Variants in AXDND1 observed in about 807,000 individuals in gnomAD.
The protein encoded by AXDND1 is axonemal dynein light chain domain containing 1.
A neutral mutation model predicts 137.5 loss-of-function variants in AXDND1; 110 were observed. The ratio of observed to expected loss-of-function variants is 0.80; its 90% CI spans 0.69 to 0.94. AXDND1 has a LOEUF of 0.94. AXDND1 is among the 40% of genes least tolerant of loss of function. The probability of loss-of-function intolerance (pLI) is 0.00; values close to 1 mark genes in which losing one functional copy is unlikely to be tolerated. For missense variants in AXDND1, 1,191 were observed against 1,169.8 expected, an observed-to-expected ratio of 1.02 and a Z score of -0.26; for synonymous variants, 414 against 399.7, an observed-to-expected ratio of 1.04 and a Z score of -0.43.
intron 6 of AXDND1, among the ~76,000 whole-genome samples, chr1:179,382,267 GA>G (rs1243302844): frequency 1.3e-5 from 2 of 151,718 alleles, no homozygotes; most frequent in Admixed American, 1.3e-4. Flanking sequence ...TTTTAGTAGA[GA>G]CGGGGCTTCA....
At chr1:179,368,278 C>T (rs1257950470) in intron 2 of AXDND1, among the ~76,000 whole-genome samples, 4 of 152,190 alleles carry the variant, frequency 2.6e-5, no homozygotes, top group African/African-American at 7.2e-5. Context: ...GATTGTTCCA[C>T]TCTCATTTGC....
At chr1:179,390,484 A>G (rs958791833) in intron 9 of AXDND1, among the ~76,000 whole-genome samples, 26 of 152,190 alleles carry the variant, frequency 1.7e-4, no homozygotes, top group African/African-American at 5.3e-4. Flanking sequence ...CATGTTGTCA[A>G]TTTGAAAAAA....
intron 25 of AXDND1, chr1:179,543,157 A>G (rs1344750646): frequency 6.6e-6 from 1 of 152,260 alleles, no homozygotes; most frequent in Non-Finnish European, 1.5e-5. Flanking sequence ...TGGTAACGGC[A>G]GGAGCCTTGT....
At position 179,523,182 on chromosome 1, in the gene AXDND1, G is replaced by A. The variant is rs142607917; in HGVS notation, c.2497-2152G>A. ...CCCTAGCATTTTATTTTTTTCAGAG[G>A]TTTGAAAATCTATTATTGTTTTCCT... On this transcript the variant is annotated intron_variant, in intron 21 of 25. Coordinates refer to ENST00000367618, the MANE Select transcript of AXDND1 (RefSeq NM_144696.6). Among the ~76,000 whole-genome samples, 7 of 149,506 alleles carry A rather than the reference G, an allele frequency of 4.7e-5. No homozygotes were observed. The East Asian group carries it at 9.8e-4, about 21-fold the overall frequency.
In AXDND1 at chr1:179,422,294, G is replaced by A. The variant is rs576024830; in HGVS notation, c.1231-7224G>A. Among the ~76,000 whole-genome samples the A allele has an allele frequency of 2.2e-4, 32 of 146,388 alleles. No individual in the cohort carries two copies. In the South Asian group the frequency reaches 6.9e-3, roughly 31 times the overall value. On this transcript the variant is annotated intron_variant, in intron 12 of 25. Transcript: ENST00000367618. ...AATTATAAACTTATCTGTTCATACT[G>A]CTTTTACTGTATCCCATAGATTTTT...
At chr1:179,476,128 T>C (rs988494010) in intron 17 of AXDND1, among the ~76,000 whole-genome samples, 1 of 152,196 alleles carries the variant, frequency 6.6e-6, no homozygotes, top group African/African-American at 2.4e-5. Flanking sequence ...TAAACCTCTT[T>C]TGTTTAAAAA....
intron 11 of AXDND1, among the ~76,000 whole-genome samples, chr1:179,401,258 C>CAAAAAAAAAAA (rs201354000): frequency 4.8e-5 from 4 of 83,678 alleles, no homozygotes; most frequent in East Asian, 6.6e-4. Flanking sequence ...AACTCCATCT[C>CAAAAAAAAAAA]AAAAAAAAAA....
intron 20 of AXDND1, among the ~76,000 whole-genome samples, chr1:179,496,335 A>G (rs1344860485): frequency 6.6e-6 from 1 of 152,058 alleles, no homozygotes; most frequent in African/African-American, 2.4e-5. Context: ...GCATCTGGGC[A>G]TTGTGGGAAA....
At chr1:179,389,086 G>T (rs7547851) in intron 9 of AXDND1, among the ~76,000 whole-genome samples, 1 of 137,770 alleles carries the variant, frequency 7.3e-6, no homozygotes, top group Non-Finnish European at 1.5e-5. Flanking sequence ...TGATTCTCCC[G>T]CCTCAGCCTC....
chr1:179,416,866 C>T (rs139995514), intron 12 of AXDND1, among the ~76,000 whole-genome samples: 3 of 152,304 alleles, frequency 2.0e-5, no homozygotes, highest in East Asian at 1.9e-4. Flanking sequence ...CCCAATAAAA[C>T]ACCCTTTACC....
intron 25 of AXDND1, chr1:179,544,372 A>T (rs1435169036): frequency 1.3e-5 from 2 of 152,218 alleles, no homozygotes; most frequent in African/African-American, 4.8e-5. Flanking sequence ...TTAGTTTTTC[A>T]ATTTAAAAGA....
At chr1:179,447,807 A>G in intron 16 of AXDND1, 2 of 1,302,484 alleles carry the variant, frequency 1.5e-6, no homozygotes, top group South Asian at 2.4e-5. Context: ...TTCCAGTTCC[A>G]TTTGGCACTG....
rs774598899 is a variant in AXDND1, at chr1:179,528,360, A to G, written c.2644A>G (p.Ile882Val). Residue 882 changes from isoleucine to valine, a missense_variant, in exon 23 of 26, where the codon ATT becomes GTT. Coordinates refer to ENST00000367618, the MANE Select transcript of AXDND1 (RefSeq NM_144696.6). Reference protein sequence around the residue: ...PSTSTEKEKLIRFIGEDENVH... With the variant: ...PSTSTEKEKLVRFIGEDENVH... ...AACATCTACAGAGAAGGAAAAACTCATTCGATTCATTGGAGAAGATGAAAA... is the reference window on the plus strand; with the variant it reads ...AACATCTACAGAGAAGGAAAAACTCGTTCGATTCATTGGAGAAGATGAAAA... The G allele has an allele frequency of 1.5e-5, 25 of 1,613,874 alleles. No homozygotes were observed. Among genetic ancestry groups the G allele is most frequent in the Non-Finnish European group, 1.9e-5 (22 of 1,179,876 alleles).
Position 179,375,940 on chromosome 1 carries a change from A to G in AXDND1, c.375-2697A>G, listed in dbSNP as rs12063201. 1.2e-3 allele frequency among the ~76,000 whole-genome samples: 184 copies of G among 152,292 alleles called. 2 individuals are homozygous for G. The highest frequency in any genetic ancestry group is 4.1e-3 in the African/African-American group (172 of 41,564). On this transcript the variant is annotated intron_variant, in intron 4 of 25. Coordinates refer to ENST00000367618, the MANE Select transcript of AXDND1 (RefSeq NM_144696.6). ...TAAAAATAGTTATGGTCCATGTTGTATATTTCAGGATCTTCCTGGGACACT... is the reference window on the plus strand; with the variant it reads ...TAAAAATAGTTATGGTCCATGTTGTGTATTTCAGGATCTTCCTGGGACACT...
intron 17 of AXDND1, 115 bp from the exon 18 acceptor site, chr1:179,483,013 T>G: frequency 1.6e-6 from 1 of 609,510 alleles, no homozygotes; most frequent in Non-Finnish European, 2.7e-6. Flanking sequence ...CTCAAGCAGT[T>G]GTCAACATCT....
intron 25 of AXDND1, among the ~76,000 whole-genome samples, chr1:179,553,645 G>C (rs554374156): frequency 6.6e-6 from 1 of 152,128 alleles, no homozygotes; most frequent in Non-Finnish European, 1.5e-5. Flanking sequence ...GCTTCCTTTC[G>C]GGATGATGAA....
chr1:179,510,100 T>C (rs539459763), intron 21 of AXDND1, among the ~76,000 whole-genome samples: 1 of 152,226 alleles, frequency 6.6e-6, no homozygotes, highest in African/African-American at 2.4e-5. Context: ...CCTACTTCTT[T>C]ATTTCACCCT....
chr1:179,411,840 T>G (rs1653945014), intron 12 of AXDND1, among the ~76,000 whole-genome samples: 1 of 106,030 alleles, frequency 9.4e-6, no homozygotes, highest in South Asian at 3.8e-4. Context: ...GATATCACAC[T>G]CTGATTCTCT....
chr1:179,377,067 G>A (rs1470574745), intron 4 of AXDND1, among the ~76,000 whole-genome samples: 1 of 152,050 alleles, frequency 6.6e-6, no homozygotes, highest in Non-Finnish European at 1.5e-5. Context: ...AAGCAGCTGG[G>A]ACTATAGGCA....
Sources: allele counts gnomAD v4.1 joint callset (sites outside exome capture counted in the v4.1 genomes callset), GRCh38; gene constraint gnomAD v4.1.1; transcripts MANE v1.5; gene names NCBI Gene and HGNC (gene_info 2026-07-23, HGNC 2026-07-21).